Variants in CHRND observed in about 807,000 individuals in gnomAD.
The protein encoded by CHRND is acetylcholine receptor subunit delta.
A neutral mutation model predicts 57.8 loss-of-function variants in CHRND; 40 were observed. The ratio of observed to expected loss-of-function variants is 0.69; its 90% CI spans 0.54 to 0.90. The LOEUF (loss-of-function observed/expected upper bound fraction) is 0.90. CHRND is among the 40% of genes least tolerant of loss of function. The probability of loss-of-function intolerance (pLI) is 0.00; values close to 1 mark genes in which losing one functional copy is unlikely to be tolerated. For synonymous variants in CHRND, 237 were observed against 270.6 expected (o/e 0.88, Z 1.22); for missense variants, 634 against 673.9 (o/e 0.94, Z 0.66).
rs780366075 is a variant in CHRND, at chr2:232,528,525, C to T, written c.378C>T (p.Ser126=). Residue 126 remains serine (S), a synonymous_variant, in exon 5 of 12, where the codon TCC becomes TCT. Coordinates refer to ENST00000258385, the MANE Select transcript of CHRND (RefSeq NM_000751.3). ...GCAATGACGGCTCCTTCCAGATCTCCTACTCCTGCAACGTGCTTGTCTACC... is the reference window on the plus strand; with the variant it reads ...GCAATGACGGCTCCTTCCAGATCTCTTACTCCTGCAACGTGCTTGTCTACC... The part of the protein sequence containing the change: ...ENNNDGSFQI[S]YSCNVLVYHY... 2.1e-5 allele frequency: 34 copies of T among 1,614,014 alleles called. No homozygotes were observed. Among genetic ancestry groups the T allele is most frequent in the Middle Eastern group, 1.6e-4 (1 of 6,084 alleles).
chr2:232,531,801 A>G (rs556038620), intron 9 of CHRND, 145 bp downstream of exon 9: 2 of 712,742 alleles, frequency 2.8e-6, no homozygotes, highest in Admixed American at 2.0e-5. Flanking sequence ...AATCAAAAAA[A>G]TTAGCCAAGT....
In CHRND at chr2:232,535,734, C is replaced by A. The variant is rs1312894396; in HGVS notation, c.*422C>A. ...CCTCCAGCCTCCCTCTTCCTACCTACCCTTCAACCTCAGGCTTCTGAGGCC... is the reference window on the plus strand; with the variant it reads ...CCTCCAGCCTCCCTCTTCCTACCTAACCTTCAACCTCAGGCTTCTGAGGCC... On this transcript the variant is annotated 3_prime_UTR_variant, in exon 12 of 12. Transcript: ENST00000258385. 6.5e-6 allele frequency: 3 copies of A among 458,372 alleles called. No individual in the cohort carries two copies. The Admixed American group carries it at 7.0e-5, about 11-fold the overall frequency. 28.4% of individuals were successfully genotyped at this position (458,372 alleles called of 1,614,324 possible).
At chr2:232,528,175 C>T (rs1358647109) in intron 3 of CHRND, 87 bp from the exon 4 acceptor site, 3 of 1,254,214 alleles carry the variant, frequency 2.4e-6, no homozygotes, top group African/African-American at 3.0e-5. Context: ...CTCTCAGACC[C>T]TGTTCAGTCT....
At chr2:232,534,729 CTA>C (rs1359760894) in intron 11 of CHRND, among the ~76,000 whole-genome samples, 1 of 152,240 alleles carries the variant, frequency 6.6e-6, no homozygotes, top group East Asian at 1.9e-4. Flanking sequence ...CTTCTAAAAA[CTA>C]TCTCTTGAGA....
Position 232,531,479 on chromosome 2 carries a change from G to A in CHRND, c.932+16G>A, listed in dbSNP as rs759403975. 3.6e-5 allele frequency: 58 copies of A among 1,613,490 alleles called. No homozygotes were observed. The highest frequency in any genetic ancestry group is 4.2e-5 in the Non-Finnish European group (49 of 1,179,646). ...TTATCGGCAAGTGAGTGACGCTCAA[G>A]CCCGGCCTCACCCTGCTTGCCAGCC... On this transcript the variant is annotated intron_variant, in intron 8 of 11. Coordinates refer to ENST00000258385, the MANE Select transcript of CHRND (RefSeq NM_000751.3).
intron 9 of CHRND, among the ~76,000 whole-genome samples, chr2:232,532,476 CAAAAAAAAAAAA>C (rs578172115): frequency 5.4e-5 from 5 of 92,524 alleles, no homozygotes; most frequent in South Asian, 3.8e-4. Flanking sequence ...ACTCTGTCTC[CAAAAAAAAAAAA>C]AAAAAAAAAA....
rs748108743 is a variant in CHRND, at chr2:232,533,971, G to C, written c.1088G>C (p.Arg363Pro). Residue 363 changes from arginine to proline, a missense_variant, in exon 10 of 12, where the codon CGC (arginine) becomes CCC (proline). Arg to Pro is a moderately radical substitution (Grantham distance 103). Coordinates refer to ENST00000258385, the MANE Select transcript of CHRND (RefSeq NM_000751.3). ...CTGCCGGAGCTCCTGCACATGTCCC[G>C]CCCAGCAGAGGATGGACCCAGCCCT... ...ETLPELLHMS[R>P]PAEDGPSPGA... The C allele has an allele frequency of 6.8e-6, 11 of 1,613,544 alleles. No homozygotes were observed. The South Asian group carries it at 1.1e-4, about 16-fold the overall frequency.
At chr2:232,533,251 C>T in intron 9 of CHRND, among the ~76,000 whole-genome samples, 1 of 152,178 alleles carries the variant, frequency 6.6e-6, no homozygotes, top group East Asian at 1.9e-4. Context: ...AACTCCTGAC[C>T]TCAAGCGATC....
intron 11 of CHRND, 23 bp downstream of exon 11, chr2:232,534,365 T>C (rs1691815922): frequency 3.1e-6 from 5 of 1,606,762 alleles, no homozygotes; most frequent in Admixed American, 1.7e-5. Flanking sequence ...AGGATTGCCA[T>C]GTACAGGTGT....
chr2:232,527,666 C>T lies in CHRND; in HGVS notation c.243+221C>T, dbSNP rs371893133. Reference sequence around the variant, plus strand: ...AGCTGAGGCAGGAGAATGGTGTGAACGCAGGAGGCGGAGCTTGCAGTGAGC... The same window carrying T: ...AGCTGAGGCAGGAGAATGGTGTGAATGCAGGAGGCGGAGCTTGCAGTGAGC... On this transcript the variant is annotated intron_variant, in intron 3 of 11. Transcript: ENST00000258385. Among the ~76,000 whole-genome samples, 15 of 152,136 alleles carry T rather than the reference C, an allele frequency of 9.9e-5. No homozygotes were observed. The East Asian group carries it at 1.6e-3, about 16-fold the overall frequency.
intron 5 of CHRND, 43 bp downstream of exon 5, chr2:232,528,699 G>C (rs768134732): frequency 4.3e-6 from 7 of 1,612,798 alleles, no homozygotes; most frequent in Admixed American, 1.7e-5. Context: ...AAAGCACCCT[G>C]CCAGAGGCCA....
Position 232,527,302 on chromosome 2 carries a change from G to GAA in CHRND, c.199-91_199-90dup, listed in dbSNP as rs60481847. ...TCCTGGGCAATTGAGCAAGACCCTG[G>GAA]AAAAAAAAAGAGAGAGAGAGAGAGA... On this transcript the variant is annotated intron_variant, in intron 2 of 11. Transcript: ENST00000258385. 9,330 of 923,246 alleles carry GAA rather than the reference G, an allele frequency of 0.01. 321 individuals carry two copies. Among genetic ancestry groups the GAA allele is most frequent in the Admixed American group, 0.02 (1,004 of 49,808 alleles). 57.2% of individuals were successfully genotyped at this position (923,246 alleles called of 1,614,324 possible).
chr2:232,528,776 A>G, intron 5 of CHRND, 86 bp from the exon 6 acceptor site: 1 of 1,573,170 alleles, frequency 6.4e-7, no homozygotes, highest in Non-Finnish European at 8.7e-7. Flanking sequence ...TGCCCTCCCC[A>G]CAATGGTCCT....
At chr2:232,532,514 C>A in intron 9 of CHRND, among the ~76,000 whole-genome samples, 1 of 149,458 alleles carries the variant, frequency 6.7e-6, no homozygotes, top group Non-Finnish European at 1.5e-5. Context: ...GGAACTTGTC[C>A]AAAGGCCATC....
At chr2:232,528,458 T>G in intron 4 of CHRND, 43 bp from the exon 5 acceptor site, 2 of 1,613,930 alleles carry the variant, frequency 1.2e-6, no homozygotes, top group Non-Finnish European at 1.7e-6. Flanking sequence ...CTGCCAGTCG[T>G]GAGTGGCCAG....
rs1220106778 is a variant in CHRND at position 232,534,069 on chromosome 2, C to T, written c.1186C>T (p.Arg396Cys). 17 of 1,614,008 alleles carry T rather than the reference C, an allele frequency of 1.1e-5. No individual in the cohort carries two copies. Among genetic ancestry groups the T allele is most frequent in the African/African-American group, 4.0e-5 (3 of 74,940 alleles). The change falls in exon 10 of 12, where the codon CGC (arginine) becomes TGC (cysteine). Residue 396 changes from arginine to cysteine, a missense_variant. Transcript: ENST00000258385. The part of the protein sequence containing the change: ...KAEEYFLLKS[R>C]SDLMFEKQSE... Reference sequence around the variant, plus strand: ...CGAGGAGTACTTCCTGCTCAAGTCCCGCAGTGACCTCATGTTCGAGAAGCA... The same window carrying T: ...CGAGGAGTACTTCCTGCTCAAGTCCTGCAGTGACCTCATGTTCGAGAAGCA...
chr2:232,534,480 GC>G (rs528296680), intron 11 of CHRND, 138 bp downstream of exon 11: 13 of 907,580 alleles, frequency 1.4e-5, no homozygotes, highest in Admixed American at 2.0e-5. Context: ...CAGATTCCAG[GC>G]CCCCCCGCCA....
At position 232,535,312 on chromosome 2, in the gene CHRND, G is replaced by T. The variant is rs780761579; in HGVS notation, c.1554G>T (p.Ter518TyrextTer13). 1.2e-6 allele frequency: 2 copies of T among 1,613,114 alleles called. No individual in the cohort carries two copies. Among genetic ancestry groups the T allele is most frequent in the Non-Finnish European group, 1.7e-6 (2 of 1,180,038 alleles). Residue 518 changes from the stop codon to tyrosine (Y), a stop_lost, in exon 12 of 12, where the codon TAG (stop) becomes TAT (tyrosine). Coordinates refer to ENST00000258385, the MANE Select transcript of CHRND (RefSeq NM_000751.3). ...ACGTGCAGGACAAGCGCTTCATCTA[G>T]GGTGGGCCTGTTGGGGAGCCAGGAG... Reference protein sequence around the residue: ...SYNVQDKRFI* With the variant: ...SYNVQDKRFIY
At chr2:232,532,459 G>C (rs867521336) in intron 9 of CHRND, among the ~76,000 whole-genome samples, 8 of 122,852 alleles carry the variant, frequency 6.5e-5, no homozygotes, top group Admixed American at 5.3e-4. Context: ...CAAGAGACAA[G>C]AGCGAAACTC....
Sources: allele counts gnomAD v4.1 joint callset (sites outside exome capture counted in the v4.1 genomes callset), GRCh38; gene constraint gnomAD v4.1.1; transcripts MANE v1.5; gene names NCBI Gene and HGNC (gene_info 2026-07-23, HGNC 2026-07-21).